The following NBEA variants were observed in gnomAD, a reference collection of about 807,000 sequenced individuals.
NBEA encodes the protein lysosomal-trafficking regulator 2.
In NBEA, 44 loss-of-function variants were observed where a neutral mutation model predicts 343.4. The ratio of observed to expected loss-of-function variants is 0.13; its 90% CI spans 0.10 to 0.16. The LOEUF (loss-of-function observed/expected upper bound fraction) is 0.16, where lower values mean the gene tolerates loss of function less well. NBEA is among the 10% of genes least tolerant of loss of function. The probability of loss-of-function intolerance (pLI) is 1.00; values close to 1 mark genes in which losing one functional copy is unlikely to be tolerated. For synonymous variants in NBEA, 1,175 were observed against 1,238.7 expected (o/e 0.95, Z 1.08); for missense variants, 2,555 against 3,631.3 (o/e 0.70, Z 7.62).
chr13:35,142,938 G>T (rs1384592052), intron 18 of NBEA, among the ~76,000 whole-genome samples: 1 of 152,126 alleles, frequency 6.6e-6, no homozygotes, highest in Non-Finnish European at 1.5e-5. Context: ...CTACCTCACA[G>T]GGTGGCTACT....
At chr13:35,385,358 A>G (rs2042196394) in intron 38 of NBEA, among the ~76,000 whole-genome samples, 1 of 152,118 alleles carries the variant, frequency 6.6e-6, no homozygotes, top group Admixed American at 6.6e-5. Context: ...TATAAATCAT[A>G]CATTTCTCAA....
chr13:35,368,265 C>T (rs2041239540), intron 38 of NBEA, among the ~76,000 whole-genome samples: 1 of 151,490 alleles, frequency 6.6e-6, no homozygotes, highest in African/African-American at 2.4e-5. Context: ...CTATCACTCA[C>T]ATTATTTTAC....
Position 35,667,575 on chromosome 13 carries a change from A to G in NBEA, c.8661+5A>G. Reference sequence around the variant, plus strand: ...GAGATCAATGATTCAACACGGGTAAATCTGCATAGTTCGTGCTAAGTAGGA... The same window carrying G: ...GAGATCAATGATTCAACACGGGTAAGTCTGCATAGTTCGTGCTAAGTAGGA... On this transcript the variant is annotated splice_donor_5th_base_variant and intron_variant, in intron 57 of 58. Coordinates refer to ENST00000379939, the MANE Select transcript of NBEA (RefSeq NM_001385012.1). The G allele has an allele frequency of 6.2e-7, 1 of 1,613,184 alleles. No homozygotes were observed. The highest frequency in any genetic ancestry group is 1.6e-4 in the Middle Eastern group (1 of 6,062).
At chr13:35,637,763 A>G (rs2083757099) in intron 49 of NBEA, among the ~76,000 whole-genome samples, 4 of 152,016 alleles carry the variant, frequency 2.6e-5, no homozygotes, top group Admixed American at 2.6e-4. Flanking sequence ...CGGAGGTTGC[A>G]GTGAGCTGAG....
chr13:35,183,956 T>C lies in NBEA; in HGVS notation c.4832-20T>C. The C allele has an allele frequency of 6.3e-7, 1 of 1,585,168 alleles. No homozygotes were observed. The highest frequency in any genetic ancestry group is 1.1e-5 in the South Asian group (1 of 89,254). ...TTGTTACATGCTGGCTCAAATTTGA[T>C]TCCATGATTTTCTCCACAGTTGTGG... On this transcript the variant is annotated intron_variant, in intron 29 of 58. Coordinates refer to ENST00000379939, the MANE Select transcript of NBEA (RefSeq NM_001385012.1).
rs73502433 is a variant in NBEA at position 35,162,364 on chromosome 13, C to T, written c.4079+397C>T. The stretch of plus-strand genomic sequence containing the variant: ...ATAGGCATGAATACAATTAGGAAGT[C>T]GATGGATATAAGTAGCAAGGGCAAC... On this transcript the variant is annotated intron_variant, in intron 23 of 58. Transcript: ENST00000379939. 2.4e-3 allele frequency among the ~76,000 whole-genome samples: 368 copies of T among 152,170 alleles called. 2 individuals carry two copies. Among genetic ancestry groups the T allele is most frequent in the African/African-American group, 8.4e-3 (350 of 41,518 alleles).
intron 39 of NBEA, among the ~76,000 whole-genome samples, chr13:35,440,149 G>A (rs564134935): frequency 6.6e-6 from 1 of 152,264 alleles, no homozygotes; most frequent in South Asian, 2.1e-4. Context: ...CAAAGTGCTG[G>A]GGTTACAGGC....
chr13:35,491,524 C>G (rs776892789), intron 41 of NBEA, among the ~76,000 whole-genome samples: 2 of 151,890 alleles, frequency 1.3e-5, no homozygotes, highest in Non-Finnish European at 2.9e-5. Context: ...CTTAGGCCAA[C>G]AACATGGCTG....
chr13:35,484,603 T>C (rs1243422210), intron 41 of NBEA, among the ~76,000 whole-genome samples: 1 of 151,712 alleles, frequency 6.6e-6, no homozygotes, highest in Non-Finnish European at 1.5e-5. Flanking sequence ...AAAAAAAATC[T>C]CTTTATTTCA....
At chr13:35,306,065 G>A (rs577183137) in intron 35 of NBEA, among the ~76,000 whole-genome samples, 5 of 152,224 alleles carry the variant, frequency 3.3e-5, no homozygotes, top group African/African-American at 7.2e-5. Context: ...GGACAGGTGA[G>A]CAGGACAGGC....
intron 25 of NBEA, among the ~76,000 whole-genome samples, chr13:35,170,675 T>C (rs562030307): frequency 6.6e-6 from 1 of 151,954 alleles, no homozygotes; most frequent in African/African-American, 2.4e-5. Flanking sequence ...ATAGATGAGT[T>C]AGCGATCTTG....
intron 45 of NBEA, among the ~76,000 whole-genome samples, chr13:35,576,895 T>C (rs1446918048): frequency 6.6e-6 from 1 of 152,198 alleles, no homozygotes; most frequent in Non-Finnish European, 1.5e-5. Flanking sequence ...ATTTTAACAA[T>C]TGTGAGTGTA....
chr13:35,520,334 C>T (rs2077652495), intron 41 of NBEA, among the ~76,000 whole-genome samples: 1 of 152,130 alleles, frequency 6.6e-6, no homozygotes, highest in Non-Finnish European at 1.5e-5. Context: ...GCCTAAGGTG[C>T]CTACTATCCT....
chr13:35,161,995 A>G, intron 23 of NBEA, 28 bp downstream of exon 23: 9 of 1,509,476 alleles, frequency 6.0e-6, no homozygotes, highest in African/African-American at 1.4e-5. Flanking sequence ...TTATAAATTA[A>G]AAGCAAATAT....
chr13:35,040,535 G>C (rs931088532), intron 1 of NBEA, among the ~76,000 whole-genome samples: 1 of 151,808 alleles, frequency 6.6e-6, no homozygotes, highest in African/African-American at 2.4e-5. Flanking sequence ...TTGTCTGTAA[G>C]ACTAGTAATG....
At chr13:35,353,265 A>G (rs1449368317) in intron 38 of NBEA, among the ~76,000 whole-genome samples, 1 of 152,096 alleles carries the variant, frequency 6.6e-6, no homozygotes, top group Non-Finnish European at 1.5e-5. Flanking sequence ...GTGAAACTCC[A>G]TCTCTACTAA....
chr13:35,226,099 C>A (rs1355997748), intron 33 of NBEA, among the ~76,000 whole-genome samples: 3 of 152,096 alleles, frequency 2.0e-5, no homozygotes, highest in Non-Finnish European at 2.9e-5. Context: ...CTTGATAACA[C>A]CACCTGTAAA....
intron 34 of NBEA, among the ~76,000 whole-genome samples, chr13:35,267,488 G>A (rs914939634): frequency 6.6e-6 from 1 of 151,838 alleles, no homozygotes; most frequent in African/African-American, 2.4e-5. Flanking sequence ...GAAAACAAAA[G>A]CAAAACTAGA....
At position 35,515,749 on chromosome 13, in the gene NBEA, G is replaced by GT. The variant is rs35118232; in HGVS notation, c.6586-34716dup. Among the ~76,000 whole-genome samples the GT allele has an allele frequency of 1.1e-3, 170 of 149,320 alleles. 1 individual carries two copies. The highest frequency in any genetic ancestry group is 3.7e-3 in the African/African-American group (151 of 40,860). On this transcript the variant is annotated intron_variant, in intron 41 of 58. Coordinates refer to ENST00000379939, the MANE Select transcript of NBEA (RefSeq NM_001385012.1). ...ACATTTCCCTTTCATGTAGTAACTG[G>GT]TTTTTTTTTTTTAAATTTAAATATA... is the stretch of plus-strand genomic sequence containing the variant.
Sources: allele counts gnomAD v4.1 joint callset (sites outside exome capture counted in the v4.1 genomes callset), GRCh38; gene constraint gnomAD v4.1.1; transcripts MANE v1.5; gene names NCBI Gene and HGNC (gene_info 2026-07-23, HGNC 2026-07-21).